Variants in PCED1B observed in about 807,000 individuals in gnomAD.
PCED1B encodes the protein PC-esterase domain-containing protein 1B.
For missense variants in PCED1B, 573 were observed against 573.9 expected, an observed-to-expected ratio of 1.00 and a Z score of 0.02; for synonymous variants, 251 against 246.1, an observed-to-expected ratio of 1.02 and a Z score of -0.19.
intron 1 of PCED1B, among the ~76,000 whole-genome samples, chr12:47,080,426 T>C (rs1937635626): frequency 6.6e-6 from 1 of 152,152 alleles, no homozygotes; most frequent in Non-Finnish European, 1.5e-5. Flanking sequence ...CTGCGCCAAG[T>C]GCAGTTGACT....
At chr12:47,089,490 A>ATATATG (rs1565740154) in intron 1 of PCED1B, among the ~76,000 whole-genome samples, 1 of 88,510 alleles carries the variant, frequency 1.1e-5, no homozygotes, top group African/African-American at 4.6e-5. Flanking sequence ...ATATATATAT[A>ATATATG]TATGTATATA....
At chr12:47,179,482 G>T (rs548840262) in intron 2 of PCED1B, among the ~76,000 whole-genome samples, 1 of 152,144 alleles carries the variant, frequency 6.6e-6, no homozygotes, top group Non-Finnish European at 1.5e-5. Context: ...CCATTCTGGC[G>T]AAATAATATT....
At chr12:47,149,977 T>A (rs1216635916) in intron 2 of PCED1B, among the ~76,000 whole-genome samples, 11 of 152,234 alleles carry the variant, frequency 7.2e-5, no homozygotes, top group Admixed American at 2.6e-4. Flanking sequence ...TTATAAGATA[T>A]TTCTTAATGA....
chr12:47,234,877 TC>T, intron 3 of PCED1B, 129 bp from the exon 4 acceptor site: 1 of 467,264 alleles, frequency 2.1e-6, no homozygotes, highest in South Asian at 6.8e-5. Context: ...ATGCGGGCAC[TC>T]CAGGTCCACT....
intron 2 of PCED1B, among the ~76,000 whole-genome samples, chr12:47,109,979 C>G (rs1170777194): frequency 6.6e-6 from 1 of 152,154 alleles, no homozygotes; most frequent in Non-Finnish European, 1.5e-5. Flanking sequence ...ATATCAAACT[C>G]TTTAGTGATT....
At chr12:47,161,358 C>T (rs539081960) in intron 2 of PCED1B, among the ~76,000 whole-genome samples, 1 of 152,130 alleles carries the variant, frequency 6.6e-6, no homozygotes, top group Admixed American at 6.6e-5. Flanking sequence ...TATCTTAGTA[C>T]CGTTATTGAA....
At chr12:47,090,482 G>A (rs1308326900) in intron 1 of PCED1B, among the ~76,000 whole-genome samples, 2 of 152,106 alleles carry the variant, frequency 1.3e-5, no homozygotes, top group Non-Finnish European at 2.9e-5. Context: ...ACAATCATGA[G>A]GCAAGAATCA....
chr12:47,080,702 G>A, intron 1 of PCED1B, among the ~76,000 whole-genome samples: 1 of 152,150 alleles, frequency 6.6e-6, no homozygotes, highest in East Asian at 1.9e-4. Context: ...CCTTCCGGCT[G>A]GAATGCAAAG....
intron 2 of PCED1B, among the ~76,000 whole-genome samples, chr12:47,122,391 T>C (rs1185091713): frequency 6.6e-6 from 1 of 152,206 alleles, no homozygotes; most frequent in Non-Finnish European, 1.5e-5. Context: ...ATCCATATAC[T>C]CCCTTGATCC....
chr12:47,107,579 C>T (rs1565751056), intron 2 of PCED1B, among the ~76,000 whole-genome samples: 1 of 152,180 alleles, frequency 6.6e-6, no homozygotes, highest in African/African-American at 2.4e-5. Context: ...CCAACTTGGG[C>T]AGAGAGGCCA....
chr12:47,115,283 G>C (rs976275611), intron 2 of PCED1B, among the ~76,000 whole-genome samples: 38 of 152,102 alleles, frequency 2.5e-4, no homozygotes, highest in Non-Finnish European at 5.0e-4. Flanking sequence ...CTGCCCAAAC[G>C]ACATTAAACC....
At chr12:47,082,146 C>G (rs1240396198) in intron 1 of PCED1B, among the ~76,000 whole-genome samples, 1 of 152,182 alleles carries the variant, frequency 6.6e-6, no homozygotes, top group Non-Finnish European at 1.5e-5. Flanking sequence ...TCTAGCATCC[C>G]TTCTCCTTCT....
At chr12:47,210,591 C>A (rs966580208) in intron 2 of PCED1B, 17 of 152,122 alleles carry the variant, frequency 1.1e-4, no homozygotes, top group Admixed American at 8.5e-4. Flanking sequence ...CATGGTGAAA[C>A]CCTGCCTCTA....
chr12:47,236,616 T>A lies in PCED1B; in HGVS notation c.*254T>A. ...CCTGCCTCCTCACTCCTATTCTCTT[T>A]GCCTTTGTGTAAAAATAAAATGGAA... On this transcript the variant is annotated 3_prime_UTR_variant, in exon 4 of 4. Coordinates refer to ENST00000546455, the MANE Select transcript of PCED1B (RefSeq NM_138371.3). 4.9e-6 allele frequency: 2 copies of A among 408,456 alleles called. No homozygotes were observed. Among genetic ancestry groups the A allele is most frequent in the Non-Finnish European group, 8.9e-6 (2 of 223,518 alleles). The allele number at this position is 408,456 out of a possible 1,614,324, so 25.3% of individuals were successfully genotyped here. A position where few individuals can be genotyped will look rare whatever the true frequency, so the allele number is the denominator to read the frequency against.
intron 2 of PCED1B, among the ~76,000 whole-genome samples, chr12:47,203,529 C>T (rs2137722678): frequency 6.6e-6 from 1 of 152,252 alleles, no homozygotes; most frequent in African/African-American, 2.4e-5. Context: ...GTGTTCTTAA[C>T]ATTTAGCTCC....
At chr12:47,144,064 A>G (rs1039390010) in intron 2 of PCED1B, among the ~76,000 whole-genome samples, 1 of 152,168 alleles carries the variant, frequency 6.6e-6, no homozygotes, top group African/African-American at 2.4e-5. Flanking sequence ...AATCTAGGTG[A>G]AAGAAACCAT....
chr12:47,229,623 T>A (rs998505587), intron 3 of PCED1B, among the ~76,000 whole-genome samples: 1 of 152,176 alleles, frequency 6.6e-6, no homozygotes, highest in Non-Finnish European at 1.5e-5. Context: ...CTTTAAATTT[T>A]GTGCATGAAA....
At chr12:47,186,370 G>A (rs1942267932) in intron 2 of PCED1B, among the ~76,000 whole-genome samples, 1 of 152,152 alleles carries the variant, frequency 6.6e-6, no homozygotes, top group Admixed American at 6.5e-5. Context: ...ACTTATGGTA[G>A]ATGAGGGCTA....
chr12:47,129,742 C>T (rs1055650694), intron 2 of PCED1B, among the ~76,000 whole-genome samples: 4 of 152,132 alleles, frequency 2.6e-5, no homozygotes, highest in African/African-American at 4.8e-5. Flanking sequence ...ACTATAGTGG[C>T]GGAATCACAA....
Sources: allele counts gnomAD v4.1 joint callset (sites outside exome capture counted in the v4.1 genomes callset), GRCh38; gene constraint gnomAD v4.1.1; transcripts MANE v1.5; gene names NCBI Gene and HGNC (gene_info 2026-07-23, HGNC 2026-07-21).